The following SUPT3H variants were observed in gnomAD, a reference collection of about 807,000 sequenced individuals.
SUPT3H encodes the protein SPT3 homolog, SAGA and STAGA complex component, also known as transcription initiation protein SPT3 homolog.
SUPT3H carries 44 observed loss-of-function variants against 44.3 expected under a neutral mutation model. The ratio of observed to expected loss-of-function variants is 0.99; its 90% CI spans 0.78 to 1.28. The LOEUF (loss-of-function observed/expected upper bound fraction) is 1.28. Ranked by LOEUF, SUPT3H falls within the 50% of genes most tolerant of loss-of-function variation. The pLI, the probability that SUPT3H is intolerant of heterozygous loss-of-function variation, is 0.00. For synonymous variants in SUPT3H, 124 were observed against 125.6 expected, an observed-to-expected ratio of 0.99 and a Z score of 0.09; for missense variants, 380 against 387.1, an observed-to-expected ratio of 0.98 and a Z score of 0.15.
chr6:45,190,370 T>G (rs1438006800), intron 2 of SUPT3H, among the ~76,000 whole-genome samples: 1 of 152,142 alleles, frequency 6.6e-6, no homozygotes, highest in African/African-American at 2.4e-5. Context: ...GTGGTTTCAA[T>G]GCAAAGCTTC....
intron 3 of SUPT3H, among the ~76,000 whole-genome samples, chr6:45,090,009 T>C (rs1423820460): frequency 6.6e-6 from 1 of 152,082 alleles, no homozygotes; most frequent in Non-Finnish European, 1.5e-5. Flanking sequence ...TAAGAAACAT[T>C]GCTCATACAA....
At chr6:45,377,077 C>G (rs930771589) in intron 1 of SUPT3H, among the ~76,000 whole-genome samples, 1 of 149,932 alleles carries the variant, frequency 6.7e-6, no homozygotes, top group South Asian at 2.1e-4. Flanking sequence ...GACCAAGTGT[C>G]CTGATTCTCT....
At chr6:44,910,838 T>C (rs958077694) in intron 10 of SUPT3H, among the ~76,000 whole-genome samples, 18 of 150,170 alleles carry the variant, frequency 1.2e-4, no homozygotes, top group Non-Finnish European at 2.5e-4. Flanking sequence ...CACTAAAAAA[T>C]ACAAAAATTA....
intron 10 of SUPT3H, among the ~76,000 whole-genome samples, chr6:44,900,876 T>C (rs949297374): frequency 2.0e-5 from 3 of 152,186 alleles, no homozygotes; most frequent in Non-Finnish European, 4.4e-5. Flanking sequence ...ATATCCGCTG[T>C]TCTGCAGCCT....
chr6:44,861,842 T>C (rs1327612536), intron 10 of SUPT3H, among the ~76,000 whole-genome samples: 1 of 152,206 alleles, frequency 6.6e-6, no homozygotes, highest in Non-Finnish European at 1.5e-5. Context: ...TTCTGTGTTT[T>C]CCACCCCAAC....
At chr6:45,033,672 G>A (rs774861351) in intron 3 of SUPT3H, among the ~76,000 whole-genome samples, 13 of 152,162 alleles carry the variant, frequency 8.5e-5, no homozygotes, top group African/African-American at 2.4e-4. Context: ...ATATTGAGGA[G>A]TGTGTAAAGT....
intron 1 of SUPT3H, 69 bp from the exon 2 acceptor site, chr6:45,365,370 A>G: frequency 9.3e-7 from 1 of 1,070,682 alleles, no homozygotes; most frequent in Non-Finnish European, 1.4e-6. Flanking sequence ...AAAAAAAGAA[A>G]GCAAATATAA....
At chr6:45,219,673 G>A (rs1765677447) in intron 2 of SUPT3H, among the ~76,000 whole-genome samples, 1 of 152,002 alleles carries the variant, frequency 6.6e-6, no homozygotes, top group Non-Finnish European at 1.5e-5. Context: ...CAATTATCTA[G>A]GCCTAATTGG....
intron 2 of SUPT3H, among the ~76,000 whole-genome samples, chr6:45,264,498 T>TA (rs1245929957): frequency 1.3e-5 from 2 of 152,082 alleles, no homozygotes; most frequent in South Asian, 2.1e-4. Context: ...TGTCTCTACT[T>TA]AGAGTACAAA....
intron 2 of SUPT3H, among the ~76,000 whole-genome samples, chr6:45,327,473 GA>G (rs1451901840): frequency 2.6e-5 from 4 of 151,848 alleles, no homozygotes; most frequent in African/African-American, 9.7e-5. Flanking sequence ...CAATCATAAA[GA>G]AAACTAAGAT....
intron 10 of SUPT3H, among the ~76,000 whole-genome samples, chr6:44,835,544 GGCTTT>G (rs1769713243): frequency 6.6e-6 from 1 of 150,696 alleles, no homozygotes; most frequent in African/African-American, 2.4e-5. Context: ...GTTCTATGCT[GGCTTT>G]GCTTTGCTGG....
intron 9 of SUPT3H, among the ~76,000 whole-genome samples, chr6:44,938,515 C>T (rs1010496488): frequency 1.3e-5 from 2 of 152,122 alleles, no homozygotes; most frequent in African/African-American, 4.8e-5. Context: ...GTAATGTCTT[C>T]AGCTTTGTTG....
intron 3 of SUPT3H, among the ~76,000 whole-genome samples, chr6:45,030,997 G>T (rs943660193): frequency 6.6e-6 from 1 of 152,144 alleles, no homozygotes; most frequent in African/African-American, 2.4e-5. Context: ...GTCGAATACA[G>T]TAGTCGAAGC....
intron 2 of SUPT3H, among the ~76,000 whole-genome samples, chr6:45,139,365 TA>T (rs1804807659): frequency 6.6e-6 from 1 of 152,090 alleles, no homozygotes; most frequent in Admixed American, 6.5e-5. Context: ...TTGACAGAGG[TA>T]GGGGAAGATG....
At chr6:44,851,902 T>C (rs1167319049) in intron 10 of SUPT3H, among the ~76,000 whole-genome samples, 1 of 152,154 alleles carries the variant, frequency 6.6e-6, no homozygotes, top group Non-Finnish European at 1.5e-5. Context: ...ACTTACATCA[T>C]TTTGACTTGT....
chr6:45,151,568 A>G (rs1033731044), intron 2 of SUPT3H, among the ~76,000 whole-genome samples: 1 of 152,138 alleles, frequency 6.6e-6, no homozygotes, highest in Non-Finnish European at 1.5e-5. Context: ...GGCCCTTAGA[A>G]ACAGAAAGTT....
At chr6:45,287,975 C>G (rs1159919047) in intron 2 of SUPT3H, among the ~76,000 whole-genome samples, 1 of 152,154 alleles carries the variant, frequency 6.6e-6, no homozygotes, top group East Asian at 1.9e-4. Context: ...TAGCTGAGAA[C>G]AGCTAATTGT....
In SUPT3H at chr6:45,020,556, C is replaced by A; in HGVS notation, c.263G>T (p.Arg88Leu). The change falls in exon 4 of 11, where the codon CGC becomes CTC. Residue 88 changes from arginine (R) to leucine (L), a missense_variant. Arg to Leu is a moderately radical substitution (Grantham distance 102, BLOSUM62 -2). Coordinates refer to ENST00000371459, the MANE Select transcript of SUPT3H (RefSeq NM_003599.4). ...ATTATGTTATATTACCTTATCTTTG[C>A]GCATCAAAAACAGAAGATCTTCAGG... Reference protein sequence around the residue: ...ITPEDLLFLMRKDKKKLRRLL... With the variant: ...ITPEDLLFLMLKDKKKLRRLL... 4 of 1,609,826 alleles carry A rather than the reference C, an allele frequency of 2.5e-6. No homozygotes were observed. Among genetic ancestry groups the A allele is most frequent in the African/African-American group, 1.3e-5 (1 of 74,886 alleles).
chr6:45,265,184 C>T (rs1775051561), intron 2 of SUPT3H, among the ~76,000 whole-genome samples: 1 of 151,936 alleles, frequency 6.6e-6, no homozygotes, highest in African/African-American at 2.4e-5. Context: ...AATAGGACAC[C>T]TAATATTATC....
Sources: gnomAD v4.1 joint callset for allele counts (sites outside exome capture counted in the v4.1 genomes callset) on GRCh38, gnomAD v4.1.1 for gene constraint, MANE v1.5 for transcripts, NCBI Gene and HGNC (gene_info 2026-07-23, HGNC 2026-07-21) for gene names.